Variants in SGCG observed in about 807,000 individuals in gnomAD.
SGCG encodes the protein gamma-sarcoglycan.
A neutral mutation model predicts 29.3 loss-of-function variants in SGCG; 26 were observed. The observed-to-expected ratio is 0.89, with a 90% CI of 0.65 to 1.23. The LOEUF is 1.23. Ranked by LOEUF, SGCG falls within the 50% of genes most tolerant of loss-of-function variation. SGCG has a pLI of 0.00. For missense variants in SGCG, 353 were observed against 356.0 expected (o/e 0.99, Z 0.07); for synonymous variants, 145 against 129.7 (o/e 1.12, Z -0.80).
chr13:23,297,301 C>T (rs985747669), intron 6 of SGCG, among the ~76,000 whole-genome samples: 3 of 151,778 alleles, frequency 2.0e-5, no homozygotes, highest in Admixed American at 6.6e-5. Flanking sequence ...GACCCTAACC[C>T]AGCAGTGTTA....
intron 6 of SGCG, among the ~76,000 whole-genome samples, chr13:23,313,269 A>G (rs912757511): frequency 4.0e-5 from 6 of 151,794 alleles, no homozygotes; most frequent in Admixed American, 1.3e-4. Context: ...GGTTCAAGCA[A>G]TTCTCCTGCC....
At chr13:23,247,170 C>G (rs1376791181) in intron 3 of SGCG, 1 of 155,286 alleles carries the variant, frequency 6.4e-6, no homozygotes, top group Non-Finnish European at 1.5e-5. Flanking sequence ...CACCTGTCAC[C>G]TCTACCATCT....
intron 7 of SGCG, among the ~76,000 whole-genome samples, chr13:23,322,752 C>T (rs1414290755): frequency 1.2e-4 from 3 of 26,040 alleles, no homozygotes; most frequent in Admixed American, 8.9e-4. Context: ...ATGCACAGAC[C>T]GCCCCCCACC....
At chr13:23,163,195 A>G in the SGCG span, among the ~76,000 whole-genome samples, 1 of 152,216 alleles carries the variant, frequency 6.6e-6, no homozygotes, top group African/African-American at 2.4e-5. Flanking sequence ...TAGCATATAC[A>G]TTTCTAAACA....
chr13:23,173,761 A>G, the SGCG span, among the ~76,000 whole-genome samples: 1 of 152,228 alleles, frequency 6.6e-6, no homozygotes, highest in African/African-American at 2.4e-5. Context: ...TTATAACTGC[A>G]TGCTGTCTTC....
intron 4 of SGCG, among the ~76,000 whole-genome samples, chr13:23,258,559 C>T (rs995322726): frequency 6.6e-6 from 1 of 152,280 alleles, no homozygotes; most frequent in Admixed American, 6.5e-5. Flanking sequence ...TGCCTGATTA[C>T]CCTGGCCAGA....
chr13:23,301,891 CAAAAAAAAAA>C, intron 6 of SGCG, among the ~76,000 whole-genome samples: 1 of 57,900 alleles, frequency 1.7e-5, no homozygotes, highest in Non-Finnish European at 4.7e-5. Flanking sequence ...GACTCCATCT[CAAAAAAAAAA>C]AGAAAAGAAA....
intron 5 of SGCG, among the ~76,000 whole-genome samples, chr13:23,282,030 A>G (rs1881324267): frequency 6.6e-6 from 1 of 152,208 alleles, no homozygotes; most frequent in Non-Finnish European, 1.5e-5. Flanking sequence ...GCAGCTAACT[A>G]GAGCAAAATA....
intron 1 of SGCG, among the ~76,000 whole-genome samples, chr13:23,192,932 C>A (rs9507047): frequency 0.15 from 22,499 of 152,144 alleles, 1,910 homozygotes; most frequent in East Asian, 0.25. Context: ...AAACAGACAC[C>A]CTTCCTGTCT....
chr13:23,288,285 G>C (rs1881577788), intron 5 of SGCG, among the ~76,000 whole-genome samples: 1 of 152,124 alleles, frequency 6.6e-6, no homozygotes, highest in Admixed American at 6.5e-5. Context: ...CCAATTCTTT[G>C]CTTCTTTTCT....
intron 2 of SGCG, among the ~76,000 whole-genome samples, chr13:23,222,126 CTCTT>C (rs932965257): frequency 3.3e-5 from 5 of 152,168 alleles, no homozygotes; most frequent in African/African-American, 1.2e-4. Context: ...TTTTTGGATA[CTCTT>C]TCTTATGAAG....
At chr13:23,228,345 GT>G (rs1446378898) in intron 2 of SGCG, among the ~76,000 whole-genome samples, 1 of 152,132 alleles carries the variant, frequency 6.6e-6, no homozygotes, top group African/African-American at 2.4e-5. Flanking sequence ...GTGATTTGTT[GT>G]TTGCAGAAGT....
chr13:23,212,844 G>A (rs925529653), intron 2 of SGCG, among the ~76,000 whole-genome samples: 1 of 152,092 alleles, frequency 6.6e-6, no homozygotes, highest in African/African-American at 2.4e-5. Flanking sequence ...AAACTTTAGG[G>A]TCATCTAAAG....
At chr13:23,316,484 T>C (rs1882815762) in intron 6 of SGCG, among the ~76,000 whole-genome samples, 1 of 152,082 alleles carries the variant, frequency 6.6e-6, no homozygotes, top group Admixed American at 6.6e-5. Context: ...GATAGAACGG[T>C]GGAATGTTCT....
intron 2 of SGCG, among the ~76,000 whole-genome samples, chr13:23,223,084 C>T (rs1430559415): frequency 2.6e-5 from 4 of 151,926 alleles, no homozygotes; most frequent in Non-Finnish European, 4.4e-5. Flanking sequence ...CGAGACCATC[C>T]TGGCTAACAC....
At chr13:23,245,434 C>G (rs2137560147) in intron 3 of SGCG, 1 of 152,102 alleles carries the variant, frequency 6.6e-6, no homozygotes, top group East Asian at 1.9e-4. Flanking sequence ...GATGACATGC[C>G]AAAAGGAAAG....
intron 5 of SGCG, 142 bp downstream of exon 5, chr13:23,279,620 G>A (rs968691985): frequency 4.3e-5 from 35 of 813,648 alleles, no homozygotes; most frequent in Non-Finnish European, 7.0e-5. Context: ...TTGCATTTCT[G>A]TTGAACTCCC....
At chr13:23,300,069 C>T (rs1398910458) in intron 6 of SGCG, among the ~76,000 whole-genome samples, 1 of 152,092 alleles carries the variant, frequency 6.6e-6, no homozygotes, top group African/African-American at 2.4e-5. Flanking sequence ...GATGATACCC[C>T]AGAAAAGGGA....
At chr13:23,180,504 G>C (rs939945655), upstream of SGCG, among the ~76,000 whole-genome samples, 1 of 152,160 alleles carries the variant, frequency 6.6e-6, no homozygotes, top group Non-Finnish European at 1.5e-5. Context: ...AAGAGTCACT[G>C]TTACATGGTA....
Sources: allele counts gnomAD v4.1 joint callset (sites outside exome capture counted in the v4.1 genomes callset), GRCh38; gene constraint gnomAD v4.1.1; transcripts MANE v1.5; gene names NCBI Gene and HGNC (gene_info 2026-07-23, HGNC 2026-07-21).